Variants in FUT8 observed in about 807,000 individuals in gnomAD.
FUT8 encodes fucosyltransferase 8, also known as alpha-(1,6)-fucosyltransferase.
A neutral mutation model predicts 71.3 loss-of-function variants in FUT8; 29 were observed. The observed-to-expected ratio is 0.41, with a 90% CI of 0.30 to 0.55. The LOEUF (loss-of-function observed/expected upper bound fraction) is 0.55. Ranked by LOEUF, FUT8 falls within the 20% of genes least tolerant of loss-of-function variation. The pLI, the probability that FUT8 is intolerant of heterozygous loss-of-function variation, is 0.34. For synonymous variants in FUT8, 254 were observed against 239.3 expected (o/e 1.06, Z -0.57); for missense variants, 544 against 702.1 (o/e 0.77, Z 2.55).
intron 2 of FUT8, among the ~76,000 whole-genome samples, chr14:65,530,049 AG>A (rs1202717528): frequency 2.0e-5 from 3 of 152,158 alleles, no homozygotes; most frequent in African/African-American, 7.2e-5. Context: ...ATGCACATGT[AG>A]ATTAGTATTG....
intron 1 of FUT8, among the ~76,000 whole-genome samples, chr14:65,442,647 C>T (rs1468442533): frequency 1.3e-5 from 2 of 151,646 alleles, no homozygotes; most frequent in Non-Finnish European, 2.9e-5. Context: ...CCAGCCTGGG[C>T]AGCATGGTGA....
intron 3 of FUT8, among the ~76,000 whole-genome samples, chr14:65,575,020 G>A (rs1478779945): frequency 6.6e-6 from 1 of 151,974 alleles, no homozygotes; most frequent in Non-Finnish European, 1.5e-5. Context: ...TCTATGAAAT[G>A]TTTTCTAATT....
At chr14:65,518,875 ATG>A (rs894162176) in intron 2 of FUT8, among the ~76,000 whole-genome samples, 1 of 152,200 alleles carries the variant, frequency 6.6e-6, no homozygotes, top group African/African-American at 2.4e-5. Flanking sequence ...ACATAATAAA[ATG>A]TATCTTCTGA....
chr14:65,649,638 A>T (rs1414526038), intron 6 of FUT8, among the ~76,000 whole-genome samples: 3 of 152,246 alleles, frequency 2.0e-5, no homozygotes, highest in Non-Finnish European at 4.4e-5. Context: ...ACCATTCAGT[A>T]TTCAAAGCCT....
intron 7 of FUT8, among the ~76,000 whole-genome samples, chr14:65,707,172 A>G (rs1286962216): frequency 1.3e-5 from 2 of 152,052 alleles, no homozygotes; most frequent in African/African-American, 2.4e-5. Flanking sequence ...GCCACCACTT[A>G]TTATTGTCTT....
At chr14:65,459,914 A>G (rs2065947567) in intron 2 of FUT8, among the ~76,000 whole-genome samples, 1 of 152,250 alleles carries the variant, frequency 6.6e-6, no homozygotes, top group South Asian at 2.1e-4. Context: ...TGCTTGAGAT[A>G]CTTTTCTAGA....
chr14:65,481,257 T>C (rs2066326327), intron 2 of FUT8, among the ~76,000 whole-genome samples: 1 of 152,224 alleles, frequency 6.6e-6, no homozygotes, highest in Admixed American at 6.5e-5. Context: ...ATATTTTCTT[T>C]GGAGAAATAC....
intron 1 of FUT8, among the ~76,000 whole-genome samples, chr14:65,455,184 TG>T (rs2065879067): frequency 6.6e-6 from 1 of 152,180 alleles, no homozygotes; most frequent in African/African-American, 2.4e-5. Flanking sequence ...TGGAAGTTTG[TG>T]TAGAAGATAG....
At chr14:65,531,321 T>C (rs1883941827) in intron 2 of FUT8, among the ~76,000 whole-genome samples, 1 of 152,128 alleles carries the variant, frequency 6.6e-6, no homozygotes, top group Non-Finnish European at 1.5e-5. Context: ...GTACTAGGTG[T>C]GAAGTGTACC....
chr14:65,731,455 T>C (rs1895976663), intron 9 of FUT8, among the ~76,000 whole-genome samples: 1 of 152,200 alleles, frequency 6.6e-6, no homozygotes, highest in Non-Finnish European at 1.5e-5. Flanking sequence ...TCCACTGACA[T>C]ACTTGAGGGC....
chr14:65,456,865 CTG>C (rs926183802), intron 2 of FUT8, among the ~76,000 whole-genome samples: 6 of 146,012 alleles, frequency 4.1e-5, no homozygotes, highest in African/African-American at 1.6e-4. Context: ...GAGTGAGACT[CTG>C]TCTCAAAAAA....
intron 7 of FUT8, among the ~76,000 whole-genome samples, chr14:65,694,862 G>A (rs1425451594): frequency 8.4e-5 from 11 of 131,552 alleles, no homozygotes; most frequent in Non-Finnish European, 1.6e-4. Context: ...ATGGACACAG[G>A]AAGGGGAACA....
At chr14:65,621,574 T>TA (rs1426156993) in intron 5 of FUT8, among the ~76,000 whole-genome samples, 3 of 150,774 alleles carry the variant, frequency 2.0e-5, no homozygotes, top group Non-Finnish European at 4.4e-5. Flanking sequence ...TCTTTTTTTT[T>TA]ATTTAAGATG....
intron 2 of FUT8, among the ~76,000 whole-genome samples, chr14:65,513,087 C>G (rs1882471846): frequency 1.3e-5 from 2 of 152,042 alleles, no homozygotes; most frequent in Admixed American, 1.3e-4. Flanking sequence ...CAGCTTCTTT[C>G]TCTAAACTTT....
At chr14:65,363,715 C>T in the FUT8 span, among the ~76,000 whole-genome samples, 19 of 152,164 alleles carry the variant, frequency 1.2e-4, no homozygotes. Flanking sequence ...CCTCAGTTTA[C>T]CATGCTTAGC....
chr14:65,563,556 T>A (rs1333556932), intron 3 of FUT8, among the ~76,000 whole-genome samples: 1 of 151,992 alleles, frequency 6.6e-6, no homozygotes, highest in Non-Finnish European at 1.5e-5. Flanking sequence ...AGGTATGAGA[T>A]CACCAAGAAT....
At chr14:65,491,204 C>T (rs924776467) in intron 2 of FUT8, among the ~76,000 whole-genome samples, 1 of 152,042 alleles carries the variant, frequency 6.6e-6, no homozygotes, top group African/African-American at 2.4e-5. Context: ...ACTTTTAAAT[C>T]CCCAGACTCA....
At chr14:65,358,573 T>C in the FUT8 span, among the ~76,000 whole-genome samples, 6 of 152,138 alleles carry the variant, frequency 3.9e-5, no homozygotes, top group African/African-American at 1.4e-4. Context: ...CCTACTTCGG[T>C]CTACAGAGTA....
chr14:65,647,899 C>G (rs1257964955), intron 6 of FUT8, among the ~76,000 whole-genome samples: 1 of 151,886 alleles, frequency 6.6e-6, no homozygotes, highest in African/African-American at 2.4e-5. Flanking sequence ...AAAGAAGTCT[C>G]AGAAGTTATA....
Sources: gnomAD v4.1 joint callset for allele counts (sites outside exome capture counted in the v4.1 genomes callset) on GRCh38, gnomAD v4.1.1 for gene constraint, MANE v1.5 for transcripts, NCBI Gene and HGNC (gene_info 2026-07-23, HGNC 2026-07-21) for gene names.